MALRD1: variants seen among roughly 807,000 people sequenced by gnomAD.
The protein encoded by MALRD1 is MAM and LDL receptor class A domain containing 1, also known as MAM and LDL-receptor class A domain-containing protein 1.
MALRD1 carries 247 observed loss-of-function variants against 242.1 expected under a neutral mutation model. That is an observed-to-expected ratio of 1.02 (90% CI 0.92 to 1.13). The LOEUF is 1.13. MALRD1 is among the 50% of genes most tolerant of loss of function. The pLI, the probability that MALRD1 is intolerant of heterozygous loss-of-function variation, is 0.00. For synonymous variants in MALRD1, 995 were observed against 866.6 expected (o/e 1.15, Z -2.60); for missense variants, 2,989 against 2,533.1 (o/e 1.18, Z -3.86).
chr10:19,718,675 T>A (rs931253070), intron 38 of MALRD1, among the ~76,000 whole-genome samples: 5 of 152,196 alleles, frequency 3.3e-5, no homozygotes, highest in African/African-American at 1.2e-4. Flanking sequence ...CTTTAAAGCA[T>A]GACTTGAAAA....
At chr10:19,440,990 T>G (rs1834612529) in intron 28 of MALRD1, among the ~76,000 whole-genome samples, 1 of 151,906 alleles carries the variant, frequency 6.6e-6, no homozygotes, top group Admixed American at 6.5e-5. Flanking sequence ...TTTCTCTAGA[T>G]CCTCTCCAGC....
rs1838950742 is a variant in MALRD1, at chr10:19,612,615, T to TATTTA, written c.6071-3240_6071-3236dup. On this transcript the variant is annotated intron_variant, in intron 35 of 39. Transcript: ENST00000454679. ...AAGACATACCTGAGACTGGGTAGTTTATTTAAAAAAAAAATAGGTTTCATT... is the reference window on the plus strand; with the variant it reads ...AAGACATACCTGAGACTGGGTAGTTTATTTAATTTAAAAAAAAAATAGGTTTCATT... Among the ~76,000 whole-genome samples, 6 of 151,882 alleles carry TATTTA rather than the reference T, an allele frequency of 4.0e-5. No individual in the cohort carries two copies. The South Asian group carries it at 1.2e-3, about 32-fold the overall frequency.
At chr10:19,578,474 C>T (rs1374563135) in intron 33 of MALRD1, among the ~76,000 whole-genome samples, 1 of 152,130 alleles carries the variant, frequency 6.6e-6, no homozygotes, top group Non-Finnish European at 1.5e-5. Context: ...GATGTAACAC[C>T]TGAGGTCAGG....
chr10:19,255,983 A>C (rs948511593), intron 18 of MALRD1, among the ~76,000 whole-genome samples: 2 of 152,082 alleles, frequency 1.3e-5, no homozygotes, highest in East Asian at 3.9e-4. Flanking sequence ...GGAACAATTG[A>C]CTCCAAACAC....
intron 33 of MALRD1, among the ~76,000 whole-genome samples, chr10:19,575,586 T>C (rs539538817): frequency 3.9e-5 from 6 of 152,248 alleles, no homozygotes; most frequent in African/African-American, 1.4e-4. Context: ...AATAAGGATA[T>C]TTGTACCTTT....
intron 4 of MALRD1, among the ~76,000 whole-genome samples, chr10:19,096,582 G>C (rs1412739416): frequency 1.3e-5 from 2 of 152,048 alleles, no homozygotes; most frequent in Admixed American, 6.6e-5. Flanking sequence ...TTGTTTGGTG[G>C]GCCACAGAGA....
At chr10:19,181,739 A>G (rs1835513576) in intron 14 of MALRD1, among the ~76,000 whole-genome samples, 1 of 152,094 alleles carries the variant, frequency 6.6e-6, no homozygotes, top group African/African-American at 2.4e-5. Flanking sequence ...CCACAAAAAA[A>G]GAAAAAAAAG....
At chr10:19,083,801 A>G (rs1013683667) in intron 2 of MALRD1, among the ~76,000 whole-genome samples, 1 of 152,062 alleles carries the variant, frequency 6.6e-6, no homozygotes, top group Admixed American at 6.6e-5. Flanking sequence ...AAGCCCATAA[A>G]ACTCACCATT....
intron 22 of MALRD1, among the ~76,000 whole-genome samples, chr10:19,327,214 C>T (rs1226608835): frequency 2.6e-5 from 4 of 152,046 alleles, no homozygotes; most frequent in African/African-American, 9.7e-5. Context: ...CATACTTTCT[C>T]ATTTGACCAC....
At chr10:19,270,807 A>AACACACACACACACAC (rs71387059) in intron 19 of MALRD1, among the ~76,000 whole-genome samples, 44 of 145,054 alleles carry the variant, frequency 3.0e-4, no homozygotes, top group South Asian at 2.3e-4. Flanking sequence ...TTCAAAGGAT[A>AACACACACACACACAC]ACACACACAC....
chr10:19,567,440 C>A, intron 32 of MALRD1, 62 bp from the exon 33 acceptor site: 2 of 1,352,386 alleles, frequency 1.5e-6, no homozygotes, highest in Non-Finnish European at 2.0e-6. Context: ...CATCAATCAT[C>A]TGGATGTCCT....
chr10:19,729,514 T>G (rs1049312954), intron 38 of MALRD1, among the ~76,000 whole-genome samples: 7 of 151,938 alleles, frequency 4.6e-5, no homozygotes, highest in Non-Finnish European at 8.8e-5. Context: ...ATTGTGTGTG[T>G]GTGTGTGTGT....
intron 5 of MALRD1, among the ~76,000 whole-genome samples, chr10:19,113,347 C>T (rs770982512): frequency 1.3e-5 from 2 of 152,178 alleles, no homozygotes; most frequent in African/African-American, 2.4e-5. Flanking sequence ...AAACAAATTA[C>T]TTGTGAGTTC....
chr10:19,084,869 G>A (rs1835614427), intron 2 of MALRD1, among the ~76,000 whole-genome samples: 1 of 151,836 alleles, frequency 6.6e-6, no homozygotes, highest in Non-Finnish European at 1.5e-5. Flanking sequence ...ATGTTATTTT[G>A]TCATTTTAAT....
intron 39 of MALRD1, among the ~76,000 whole-genome samples, chr10:19,732,357 G>T (rs1457382565): frequency 6.6e-6 from 1 of 152,098 alleles, no homozygotes; most frequent in Non-Finnish European, 1.5e-5. Context: ...CCACCTCCTG[G>T]GTTCAAGTGA....
chr10:19,438,838 T>G (rs952701375), intron 28 of MALRD1, among the ~76,000 whole-genome samples: 3 of 151,964 alleles, frequency 2.0e-5, no homozygotes, highest in Non-Finnish European at 2.9e-5. Flanking sequence ...CTTTGTAGAC[T>G]GCAGTGTGAA....
chr10:19,632,989 T>C (rs1177997782), intron 36 of MALRD1, among the ~76,000 whole-genome samples: 1 of 152,086 alleles, frequency 6.6e-6, no homozygotes, highest in Admixed American at 6.6e-5. Flanking sequence ...CCCAACACTT[T>C]GGGAGGCTGA....
At chr10:19,102,513 C>G (rs530397001) in intron 4 of MALRD1, among the ~76,000 whole-genome samples, 2 of 151,824 alleles carry the variant, frequency 1.3e-5, no homozygotes, top group African/African-American at 4.8e-5. Context: ...AAAGAATTTC[C>G]CATAGAAAAA....
At chr10:19,088,499 C>G (rs1835754531) in intron 4 of MALRD1, among the ~76,000 whole-genome samples, 1 of 145,650 alleles carries the variant, frequency 6.9e-6, no homozygotes, top group South Asian at 2.2e-4. Flanking sequence ...CCATTTTCCT[C>G]TCTACTTTTC....
Sources: allele counts gnomAD v4.1 joint callset (sites outside exome capture counted in the v4.1 genomes callset), GRCh38; gene constraint gnomAD v4.1.1; transcripts MANE v1.5; gene names NCBI Gene and HGNC (gene_info 2026-07-23, HGNC 2026-07-21).